Variants in ANKS1A observed in about 807,000 individuals in gnomAD.
The protein encoded by ANKS1A is ankyrin repeat and SAM domain-containing protein 1A.
ANKS1A carries 55 observed loss-of-function variants against 120.3 expected under a neutral mutation model. That is an observed-to-expected ratio of 0.46 (90% CI 0.37 to 0.57). ANKS1A has a LOEUF of 0.57. ANKS1A is among the 20% of genes least tolerant of loss of function. The probability of loss-of-function intolerance (pLI) is 0.00; values close to 1 mark genes in which losing one functional copy is unlikely to be tolerated. For missense variants in ANKS1A, 1,123 were observed against 1,480.3 expected (o/e 0.76, Z 3.96); for synonymous variants, 590 against 604.7 (o/e 0.98, Z 0.36).
chr6:34,948,391 A>G (rs995454101), intron 1 of ANKS1A, among the ~76,000 whole-genome samples: 8 of 152,226 alleles, frequency 5.3e-5, no homozygotes, highest in Non-Finnish European at 8.8e-5. Context: ...GAAAAGAAAT[A>G]ATCTGCTTGG....
intron 3 of ANKS1A, among the ~76,000 whole-genome samples, chr6:34,980,286 T>A (rs1408490126): frequency 1.3e-5 from 2 of 152,268 alleles, no homozygotes; most frequent in African/African-American, 4.8e-5. Context: ...GCATCCTCTG[T>A]TTATTTGTGT....
At chr6:35,080,613 T>C (rs1196069234) in intron 16 of ANKS1A, among the ~76,000 whole-genome samples, 4 of 152,162 alleles carry the variant, frequency 2.6e-5, no homozygotes, top group Non-Finnish European at 4.4e-5. Flanking sequence ...AACACACAAC[T>C]GACATTCAGA....
chr6:35,056,586 C>T (rs1168278133), intron 12 of ANKS1A, among the ~76,000 whole-genome samples: 1 of 152,222 alleles, frequency 6.6e-6, no homozygotes, highest in Non-Finnish European at 1.5e-5. Flanking sequence ...CGATGCCTGG[C>T]CCCACCTACC....
intron 1 of ANKS1A, among the ~76,000 whole-genome samples, chr6:34,902,936 A>G (rs999036284): frequency 6.6e-6 from 1 of 152,086 alleles, no homozygotes; most frequent in Non-Finnish European, 1.5e-5. Flanking sequence ...TAGTTCATTT[A>G]CAGAGAAAAC....
chr6:35,056,999 G>A (rs777000945), intron 12 of ANKS1A, among the ~76,000 whole-genome samples: 31 of 152,148 alleles, frequency 2.0e-4, no homozygotes, highest in Admixed American at 7.8e-4. Flanking sequence ...TGGGTTGGGC[G>A]TCAGGATCAG....
At chr6:34,915,074 A>G (rs1034639337) in intron 1 of ANKS1A, among the ~76,000 whole-genome samples, 38 of 152,358 alleles carry the variant, frequency 2.5e-4, no homozygotes, top group African/African-American at 7.7e-4. Context: ...TGCCTATCGT[A>G]TATATAGAAG....
At chr6:34,919,345 C>T (rs1030943043) in intron 1 of ANKS1A, among the ~76,000 whole-genome samples, 2 of 152,182 alleles carry the variant, frequency 1.3e-5, no homozygotes, top group Non-Finnish European at 2.9e-5. Context: ...TCCAAACTTA[C>T]TGTGTCTTTG....
chr6:34,934,492 C>T (rs564268076), intron 1 of ANKS1A, among the ~76,000 whole-genome samples: 38 of 152,296 alleles, frequency 2.5e-4, no homozygotes, highest in Admixed American at 7.8e-4. Context: ...GTTTTTTAGT[C>T]ACTGAAGTCT....
In ANKS1A at chr6:34,966,983, TAGA is replaced by T. The variant is rs533588221; in HGVS notation, c.198-251_198-249del. ...GCTGTTTTTGCAATCCTGGGAGTAC[TAGA>T]AGAACAGACTCTTAAGCGATGACAC... On this transcript the variant is annotated intron_variant, in intron 1 of 23. Coordinates refer to ENST00000360359, the MANE Select transcript of ANKS1A (RefSeq NM_015245.3). Among the ~76,000 whole-genome samples, 9 of 152,324 alleles carry T rather than the reference TAGA, an allele frequency of 5.9e-5. No homozygotes were observed. The East Asian group carries it at 1.5e-3, about 26-fold the overall frequency.
intron 1 of ANKS1A, among the ~76,000 whole-genome samples, chr6:34,904,830 T>C (rs916441034): frequency 1.3e-5 from 2 of 152,222 alleles, no homozygotes; most frequent in Non-Finnish European, 2.9e-5. Context: ...TTGTTTTTCT[T>C]TTGACAGTCT....
intron 13 of ANKS1A, among the ~76,000 whole-genome samples, chr6:35,078,316 AC>A (rs1213865849): frequency 2.0e-5 from 3 of 151,730 alleles, no homozygotes; most frequent in Non-Finnish European, 2.9e-5. Context: ...CGGCACCCCC[AC>A]CCTTGTGTGC....
At chr6:35,017,360 C>T (rs946095358) in intron 10 of ANKS1A, 113 bp from the exon 11 acceptor site, 265 of 1,116,220 alleles carry the variant, frequency 2.4e-4, no homozygotes, top group Admixed American at 3.3e-4. Context: ...TCCAGTTTCT[C>T]TCTCTGTTTC....
chr6:34,985,157 C>G lies in ANKS1A; in HGVS notation c.1088C>G (p.Ala363Gly). ...ANAEEEGPYE[A>G]LYNAISCHSL... is the part of the protein sequence containing the mutation. ...GCTGAAGAAGAGGGTCCCTACGAAG[C>G]TCTGTATAATGCCATCTCCTGCCAT... The change falls in exon 8 of 24, where the codon GCT (alanine) becomes GGT (glycine). Residue 363 changes from alanine to glycine, a missense_variant. This residue lies in a region of ANKS1A where 904 missense variants were observed against 1,130.4 expected (regional missense o/e 0.80). Transcript: ENST00000360359. The G allele has an allele frequency of 6.2e-7, 1 of 1,614,194 alleles. No individual in the cohort carries two copies. The highest frequency in any genetic ancestry group is 2.2e-5 in the East Asian group (1 of 44,882).
chr6:34,891,188 C>T (rs1486103833), intron 1 of ANKS1A, among the ~76,000 whole-genome samples: 1 of 152,126 alleles, frequency 6.6e-6, no homozygotes, highest in Admixed American at 6.6e-5. Context: ...TTATGATGGG[C>T]ATGTTTCAGG....
At position 34,994,546 on chromosome 6, in the gene ANKS1A, G is replaced by A. The variant is rs553009422; in HGVS notation, c.1423+124G>A. The A allele has an allele frequency of 8.8e-6, 12 of 1,369,708 alleles. No homozygotes were observed. The African/African-American group carries it at 1.0e-4, about 12-fold the overall frequency. The allele number at this position is 1,369,708 out of a possible 1,614,324, so 84.8% of individuals were successfully genotyped here. A position where few individuals can be genotyped will look rare whatever the true frequency, so the allele number is the denominator to read the frequency against. On this transcript the variant is annotated intron_variant, in intron 10 of 23. Transcript: ENST00000360359. ...TTGGGTTGTGGTGGTTGGGTTTCAC[G>A]ATGATCTGGGATGGTGGGTCCATTA...
chr6:35,009,679 G>A (rs1295564895), intron 10 of ANKS1A, among the ~76,000 whole-genome samples: 4 of 151,884 alleles, frequency 2.6e-5, no homozygotes, highest in Admixed American at 6.6e-5. Flanking sequence ...GAGGTGGGTG[G>A]ATCACTTGAG....
chr6:35,050,996 T>C lies in ANKS1A; in HGVS notation c.2011-3103T>C, dbSNP rs774337896. 6.6e-6 allele frequency among the ~76,000 whole-genome samples: 1 copy of C among 152,088 alleles called. No individual in the cohort carries two copies. Among genetic ancestry groups the C allele is most frequent in the Non-Finnish European group, 1.5e-5 (1 of 68,006 alleles). On this transcript the variant is annotated intron_variant, in intron 11 of 23. Transcript: ENST00000360359. This position sits in a 1 kb window ranked among gnomAD's most constrained non-coding sequence, Gnocchi z 4.3. ...CCTGGGCAAAATCGTCCTGAGAGCA[T>C]CCATTAGCATTTCCCAGCCGGTCTG...
intron 1 of ANKS1A, among the ~76,000 whole-genome samples, chr6:34,964,382 C>T (rs1408098114): frequency 1.3e-5 from 2 of 152,120 alleles, no homozygotes; most frequent in Non-Finnish European, 2.9e-5. Context: ...GCAGTGCTCC[C>T]TAACACAGAG....
At position 34,952,725 on chromosome 6, in the gene ANKS1A, T is replaced by C. The variant is rs935090584; in HGVS notation, c.198-14514T>C. 3.3e-5 allele frequency among the ~76,000 whole-genome samples: 5 copies of C among 151,956 alleles called. 1 individual carries two copies. The highest frequency in any genetic ancestry group is 1.9e-4 in the East Asian group (1 of 5,188). On this transcript the variant is annotated intron_variant, in intron 1 of 23. Coordinates refer to ENST00000360359, the MANE Select transcript of ANKS1A (RefSeq NM_015245.3). ...TATTTAAGTTCTTTTTTTTTTTTTTTCCAAGACGGAATCTCACTCTGTCGC... is the reference window on the plus strand; with the variant it reads ...TATTTAAGTTCTTTTTTTTTTTTTTCCCAAGACGGAATCTCACTCTGTCGC...
Sources: allele counts gnomAD v4.1 joint callset (sites outside exome capture counted in the v4.1 genomes callset), GRCh38; gene constraint gnomAD v4.1.1; regional missense constraint gnomAD v4.1.1; non-coding constraint Gnocchi (gnomAD v3.1); transcripts MANE v1.5; gene names NCBI Gene and HGNC (gene_info 2026-07-23, HGNC 2026-07-21).